ZNF804B: variants seen among roughly 807,000 people sequenced by gnomAD.
ZNF804B encodes zinc finger 804B.
Under a neutral mutation model 101.4 loss-of-function variants are expected in ZNF804B, and 80 were observed. The ratio of observed to expected loss-of-function variants is 0.79; its 90% CI spans 0.66 to 0.95. ZNF804B has a LOEUF of 0.95. Among genes scored for constraint, ZNF804B ranks in the 40% least tolerant of loss-of-function variants. The probability of loss-of-function intolerance (pLI) is 0.00; values close to 1 mark genes in which losing one functional copy is unlikely to be tolerated. For missense variants in ZNF804B, 1,673 were observed against 1,561.9 expected, an observed-to-expected ratio of 1.07 and a Z score of -1.20; for synonymous variants, 622 against 558.8, an observed-to-expected ratio of 1.11 and a Z score of -1.59.
At chr7:89,219,888 T>C (rs1788956729) in intron 2 of ZNF804B, among the ~76,000 whole-genome samples, 1 of 149,696 alleles carries the variant, frequency 6.7e-6, no homozygotes, top group African/African-American at 2.5e-5. Context: ...TATGTGTGTA[T>C]ATATGTATAT....
In ZNF804B at chr7:89,275,419, T is replaced by C. The variant is rs528432105; in HGVS notation, c.250-51925T>C. On this transcript the variant is annotated intron_variant, in intron 2 of 3. Transcript: ENST00000333190. ...TGATTGGGTCAAAACCCTCCAGCTC[T>C]TTTCCATATCACTCAAAGTAGAAAT... 5.3e-5 allele frequency among the ~76,000 whole-genome samples: 8 copies of C among 152,060 alleles called. 1 individual carries two copies. The highest frequency in any genetic ancestry group is 1.9e-4 in the African/African-American group (8 of 41,362).
chr7:89,113,859 G>A (rs560635223), intron 1 of ZNF804B, among the ~76,000 whole-genome samples: 13 of 151,858 alleles, frequency 8.6e-5, no homozygotes, highest in African/African-American at 3.1e-4. Context: ...TGAGGCACGA[G>A]AATCGCTTGA....
At chr7:88,791,754 C>T (rs188856792) in intron 1 of ZNF804B, among the ~76,000 whole-genome samples, 10 of 152,154 alleles carry the variant, frequency 6.6e-5, no homozygotes, top group Admixed American at 3.9e-4. Context: ...AGCTTATACA[C>T]GTATATATTA....
At chr7:88,936,294 G>A (rs527633584) in intron 1 of ZNF804B, among the ~76,000 whole-genome samples, 1 of 152,116 alleles carries the variant, frequency 6.6e-6, no homozygotes, top group East Asian at 1.9e-4. Context: ...TTATTATGTA[G>A]GGAAGTTTAT....
intron 3 of ZNF804B, among the ~76,000 whole-genome samples, chr7:89,331,245 C>T (rs1790972557): frequency 6.6e-6 from 1 of 151,608 alleles, no homozygotes; most frequent in East Asian, 1.9e-4. Context: ...GGTACCAAGG[C>T]AAAGTTGAAT....
intron 1 of ZNF804B, among the ~76,000 whole-genome samples, chr7:88,792,918 G>T (rs978571102): frequency 6.6e-6 from 1 of 151,612 alleles, no homozygotes; most frequent in African/African-American, 2.4e-5. Flanking sequence ...TATCATTTTT[G>T]TTTATTATAT....
chr7:88,888,796 A>G (rs1792172811), intron 1 of ZNF804B, among the ~76,000 whole-genome samples: 1 of 151,948 alleles, frequency 6.6e-6, no homozygotes, highest in Non-Finnish European at 1.5e-5. Context: ...TGTTTTTTTA[A>G]CTTCAACTTT....
At chr7:89,287,264 T>C (rs1790215872) in intron 2 of ZNF804B, among the ~76,000 whole-genome samples, 1 of 152,162 alleles carries the variant, frequency 6.6e-6, no homozygotes, top group South Asian at 2.1e-4. Context: ...ATGGGGTTGG[T>C]ACCCCTAACC....
chr7:89,243,037 C>T (rs1789392998), intron 2 of ZNF804B, among the ~76,000 whole-genome samples: 1 of 151,666 alleles, frequency 6.6e-6, no homozygotes. Context: ...GCCTGAGAAT[C>T]CTATCTGCTG....
intron 1 of ZNF804B, among the ~76,000 whole-genome samples, chr7:89,066,002 T>A (rs572760361): frequency 1.3e-5 from 2 of 152,110 alleles, no homozygotes; most frequent in Non-Finnish European, 2.9e-5. Context: ...GGAACCATTA[T>A]TCTGCCCACC....
intron 1 of ZNF804B, among the ~76,000 whole-genome samples, chr7:88,858,737 T>C (rs1791607573): frequency 6.6e-6 from 1 of 152,154 alleles, no homozygotes; most frequent in South Asian, 2.1e-4. Context: ...TGAAAGACTT[T>C]TGGAGACATT....
At chr7:89,141,033 TTG>T (rs1435408500) in intron 1 of ZNF804B, among the ~76,000 whole-genome samples, 1 of 151,968 alleles carries the variant, frequency 6.6e-6, no homozygotes, top group East Asian at 1.9e-4. Flanking sequence ...AATTTCAATA[TTG>T]TTATATCCCC....
chr7:88,945,051 C>G (rs564436027), intron 1 of ZNF804B, among the ~76,000 whole-genome samples: 1 of 152,046 alleles, frequency 6.6e-6, no homozygotes, highest in East Asian at 1.9e-4. Flanking sequence ...CATGTTCACT[C>G]TGATGATAGT....
At chr7:88,870,431 C>T (rs1791805524) in intron 1 of ZNF804B, among the ~76,000 whole-genome samples, 1 of 147,406 alleles carries the variant, frequency 6.8e-6, no homozygotes, top group African/African-American at 2.5e-5. Context: ...AAAACAGCCA[C>T]TTCCCGGTTG....
At chr7:89,024,160 A>G (rs1298587511) in intron 1 of ZNF804B, among the ~76,000 whole-genome samples, 3 of 152,210 alleles carry the variant, frequency 2.0e-5, no homozygotes, top group African/African-American at 7.2e-5. Flanking sequence ...TATAACGTAG[A>G]CTATGAATAA....
chr7:89,015,004 C>A (rs960852871), intron 1 of ZNF804B, among the ~76,000 whole-genome samples: 1 of 152,156 alleles, frequency 6.6e-6, no homozygotes, highest in Non-Finnish European at 1.5e-5. Flanking sequence ...AGATCTTTAA[C>A]CCATTTTGAG....
At chr7:89,269,543 T>C (rs570336378) in intron 2 of ZNF804B, among the ~76,000 whole-genome samples, 8 of 152,334 alleles carry the variant, frequency 5.3e-5, no homozygotes, top group East Asian at 1.9e-4. Context: ...TGTGTCTTTA[T>C]AGCAGCATGA....
chr7:89,285,110 T>C (rs1410230429), intron 2 of ZNF804B, among the ~76,000 whole-genome samples: 2 of 151,868 alleles, frequency 1.3e-5, no homozygotes, highest in East Asian at 3.9e-4. Flanking sequence ...TCCCAACTAT[T>C]TGGAAGGCTG....
chr7:89,231,515 C>G (rs1273456081), intron 2 of ZNF804B, among the ~76,000 whole-genome samples: 2 of 152,044 alleles, frequency 1.3e-5, no homozygotes, highest in Non-Finnish European at 2.9e-5. Flanking sequence ...AGGAATTGCA[C>G]TAAATTTAGA....
Sources: allele counts gnomAD v4.1 joint callset (sites outside exome capture counted in the v4.1 genomes callset), GRCh38; gene constraint gnomAD v4.1.1; transcripts MANE v1.5; gene names NCBI Gene and HGNC (gene_info 2026-07-23, HGNC 2026-07-21).